SPTBN4: variants seen among roughly 807,000 people sequenced by gnomAD.
The protein encoded by SPTBN4 is spectrin beta, non-erythrocytic 4, also known as spectrin beta chain, non-erythrocytic 4.
A neutral mutation model predicts 277.8 loss-of-function variants in SPTBN4; 96 were observed. That is an observed-to-expected ratio of 0.35 (90% CI 0.29 to 0.41). The LOEUF (loss-of-function observed/expected upper bound fraction) is 0.41. Ranked by LOEUF, SPTBN4 falls within the 10% of genes least tolerant of loss-of-function variation. The pLI, the probability that SPTBN4 is intolerant of heterozygous loss-of-function variation, is 1.00. For missense variants in SPTBN4, 3,006 were observed against 3,595.7 expected (o/e 0.84, Z 4.19); for synonymous variants, 1,481 against 1,580.3 (o/e 0.94, Z 1.49).
rs2081028764 is a variant in SPTBN4, at chr19:40,560,290, C to T, written c.5802C>T (p.Ala1934=). ...AGCTGCTGTCAGCCTGTGAGGATGCCCGCCTGCATGTCAGCTCCACAGCCG... is the reference window on the plus strand; with the variant it reads ...AGCTGCTGTCAGCCTGTGAGGATGCTCGCCTGCATGTCAGCTCCACAGCCG... ...WKELLSACED[A]RLHVSSTADA... Residue 1934 remains alanine (A), a synonymous_variant, in exon 27 of 36, where the codon GCC becomes GCT. Transcript: ENST00000598249. This position sits in a 1 kb window ranked among gnomAD's most constrained non-coding sequence, Gnocchi z 5.2. The T allele has an allele frequency of 6.2e-7, 1 of 1,614,082 alleles. No homozygotes were observed. Among genetic ancestry groups the T allele is most frequent in the Non-Finnish European group, 8.5e-7 (1 of 1,180,002 alleles).
chr19:40,544,204 G>A (rs814515), intron 20 of SPTBN4, among the ~76,000 whole-genome samples: 64,944 of 149,266 alleles, frequency 0.44, 14,938 homozygotes, highest in African/African-American at 0.48. Flanking sequence ...GCGCAATGGC[G>A]CGATCTCAGC....
chr19:40,555,852 G>A (rs1040829325), intron 24 of SPTBN4, among the ~76,000 whole-genome samples: 5 of 152,028 alleles, frequency 3.3e-5, no homozygotes, highest in African/African-American at 9.7e-5. Context: ...GGGAGGTGGA[G>A]GCTGCAGTGA....
At chr19:40,542,024 C>T (rs771586250) in intron 20 of SPTBN4, among the ~76,000 whole-genome samples, 4 of 152,196 alleles carry the variant, frequency 2.6e-5, no homozygotes, top group South Asian at 4.1e-4. Context: ...CGGATTCCAG[C>T]GATTCTCCTG....
intron 29 of SPTBN4, 150 bp from the exon 30 acceptor site, chr19:40,566,013 G>A: frequency 1.2e-6 from 1 of 835,144 alleles, no homozygotes; most frequent in South Asian, 1.9e-5. Flanking sequence ...CACTGAAATA[G>A]CCCCAGCCTC....
Position 40,554,505 on chromosome 19 carries a change from T to C in SPTBN4, c.4954-11T>C. On this transcript the variant is annotated splice_polypyrimidine_tract_variant and intron_variant, in intron 23 of 35. Coordinates refer to ENST00000598249, the MANE Select transcript of SPTBN4 (RefSeq NM_020971.3). The surrounding 1 kb of genome is among the most constrained non-coding windows in gnomAD (Gnocchi z 5.7). ...CGCTGCCGCCTCATCGTGGGCGCTT[T>C]GTGCCCCCAGGACGAACAGAGCACC... 6.8e-7 allele frequency: 1 copy of C among 1,479,714 alleles called. No homozygotes were observed. Among genetic ancestry groups the C allele is most frequent in the Admixed American group, 2.4e-5 (1 of 40,996 alleles). The allele number at this position is 1,479,714 out of a possible 1,614,324, so 91.7% of individuals were successfully genotyped here.
intron 24 of SPTBN4, 29 bp from the exon 25 acceptor site, chr19:40,556,055 C>A: frequency 6.3e-7 from 1 of 1,589,368 alleles, no homozygotes. Context: ...CTCAGGGGTC[C>A]ATCCCTGCCC....
Position 40,540,159 on chromosome 19 carries a change from T to G in SPTBN4, c.4359+5816T>G, listed in dbSNP as rs534179042. Among the ~76,000 whole-genome samples the G allele has an allele frequency of 2.4e-3, 365 of 152,024 alleles. 1 individual carries two copies. Among genetic ancestry groups the G allele is most frequent in the African/African-American group, 8.4e-3 (348 of 41,488 alleles). ...CCAGGCTGGTCCCAAACTCCTGACC[T>G]CAAGTGATCCGCCCGCCTCGGCCTC... On this transcript the variant is annotated intron_variant, in intron 20 of 35. Transcript: ENST00000598249.
intron 15 of SPTBN4, among the ~76,000 whole-genome samples, chr19:40,516,016 CATATACGTATATATACACAT>C (rs1568798658): frequency 4.4e-5 from 6 of 135,214 alleles, no homozygotes; most frequent in Admixed American, 7.4e-5. Context: ...TATATACACA[CATATACGTATATATACACAT>C]ATATATGTAT....
chr19:40,563,701 G>C (rs2081065770), intron 27 of SPTBN4, among the ~76,000 whole-genome samples: 2 of 149,206 alleles, frequency 1.3e-5, no homozygotes, highest in African/African-American at 5.0e-5. Flanking sequence ...GTGACAGAAG[G>C]AGACTCCATC....
At chr19:40,520,788 G>A (rs914964107) in intron 16 of SPTBN4, among the ~76,000 whole-genome samples, 1 of 152,232 alleles carries the variant, frequency 6.6e-6, no homozygotes, top group African/African-American at 2.4e-5. Context: ...AACCAAGTTT[G>A]AGAATTTTGG....
At chr19:40,532,867 G>A in intron 19 of SPTBN4, 96 bp downstream of exon 19, 1 of 1,441,858 alleles carries the variant, frequency 6.9e-7, no homozygotes, top group Non-Finnish European at 9.2e-7. Flanking sequence ...CCATCCTGCT[G>A]GTCTTACACC....
intron 22 of SPTBN4, among the ~76,000 whole-genome samples, chr19:40,553,866 C>T (rs1038001687): frequency 2.6e-5 from 4 of 152,172 alleles, no homozygotes; most frequent in African/African-American, 9.7e-5. Context: ...GTCTCTGGAA[C>T]CAGCCTCCTG....
chr19:40,527,970 C>A (rs1023863035), intron 17 of SPTBN4, among the ~76,000 whole-genome samples: 2 of 148,794 alleles, frequency 1.3e-5, no homozygotes, highest in African/African-American at 5.0e-5. Flanking sequence ...GCCGGAGAAT[C>A]GCTTGAACCT....
chr19:40,514,711 A>C (rs2080434044), intron 14 of SPTBN4, among the ~76,000 whole-genome samples: 1 of 152,218 alleles, frequency 6.6e-6, no homozygotes, highest in South Asian at 2.1e-4. Flanking sequence ...TCAGGGGCAA[A>C]GACCAAGGCT....
At position 40,552,109 on chromosome 19, in the gene SPTBN4, G is replaced by A. The variant is rs2080924124; in HGVS notation, c.4674+1782G>A. Among the ~76,000 whole-genome samples, 3 of 152,022 alleles carry A rather than the reference G, an allele frequency of 2.0e-5. No homozygotes were observed. In the South Asian group the frequency reaches 6.2e-4, roughly 32 times the overall value. Reference sequence around the variant, plus strand: ...GAGGTGGGTGGATCACCTGAGGTCAGGAGTTCGAGACCAGCCTGACCAACA... The same window carrying A: ...GAGGTGGGTGGATCACCTGAGGTCAAGAGTTCGAGACCAGCCTGACCAACA... On this transcript the variant is annotated intron_variant, in intron 22 of 35. Coordinates refer to ENST00000598249, the MANE Select transcript of SPTBN4 (RefSeq NM_020971.3).
rs1270443730 is a variant in SPTBN4, at chr19:40,506,398, G to A, written c.1816+12G>A. 6.2e-7 allele frequency: 1 copy of A among 1,603,910 alleles called. No individual in the cohort carries two copies. ...CTCCCAGCTGCAGGGTGAGTCTTGG[G>A]GCTGGGGCTGGGGCTATGGGTGGAG... On this transcript the variant is annotated intron_variant, in intron 13 of 35. Coordinates refer to ENST00000598249, the MANE Select transcript of SPTBN4 (RefSeq NM_020971.3).
intron 18 of SPTBN4, 43 bp from the exon 19 acceptor site, chr19:40,532,582 G>C: frequency 6.3e-7 from 1 of 1,583,754 alleles, no homozygotes; most frequent in Admixed American, 1.7e-5. Context: ...GGCTGTGGCA[G>C]GTTGAGGGGA....
chr19:40,512,938 C>G lies in SPTBN4; in HGVS notation c.2149C>G (p.Gln717Glu). ...ELGGRRALLQ[Q>E]ALRCGEELVA... ...GGGCGGGCGGCGAGCGTTGCTGCAG[C>G]AGGCCCTGCGGTGTGGCGAGGAGCT... is the stretch of plus-strand genomic sequence containing the variant. Residue 717 changes from glutamine (Q) to glutamate (E), a missense_variant, in exon 14 of 36, where the codon CAG (glutamine) becomes GAG (glutamate). Physicochemically the swap from Gln to Glu is conservative, Grantham distance 29. Transcript: ENST00000598249. 1 of 1,422,592 alleles carries G rather than the reference C, an allele frequency of 7.0e-7. No homozygotes were observed. The highest frequency in any genetic ancestry group is 1.5e-5 in the African/African-American group (1 of 66,214). 88.1% of individuals were successfully genotyped at this position (1,422,592 alleles called of 1,614,324 possible).
At chr19:40,482,868 G>A (rs1357775320) in intron 2 of SPTBN4, among the ~76,000 whole-genome samples, 1 of 152,070 alleles carries the variant, frequency 6.6e-6, no homozygotes, top group Non-Finnish European at 1.5e-5. Context: ...GGCTGAGGCA[G>A]GAGAATTGCT....
Sources: gnomAD v4.1 joint callset for allele counts (sites outside exome capture counted in the v4.1 genomes callset) on GRCh38, gnomAD v4.1.1 for gene constraint, Gnocchi (gnomAD v3.1) non-coding constraint, MANE v1.5 for transcripts, NCBI Gene and HGNC (gene_info 2026-07-23, HGNC 2026-07-21) for gene names.